Variants in TRHDE observed in about 807,000 individuals in gnomAD.
TRHDE encodes the protein thyrotropin releasing hormone degrading enzyme.
TRHDE carries 72 observed loss-of-function variants against 125.7 expected under a neutral mutation model. The ratio of observed to expected loss-of-function variants is 0.57; its 90% CI spans 0.47 to 0.70. TRHDE has a LOEUF of 0.70. Ranked by LOEUF, TRHDE falls within the 30% of genes least tolerant of loss-of-function variation. TRHDE has a pLI of 0.00. For synonymous variants in TRHDE, 509 were observed against 509.1 expected, an observed-to-expected ratio of 1.00 and a Z score of 0.00; for missense variants, 1,110 against 1,327.1, an observed-to-expected ratio of 0.84 and a Z score of 2.54.
In TRHDE at chr12:72,356,501, T is replaced by A. The variant is rs1283816096; in HGVS notation, c.1189-21494T>A. 2.0e-5 allele frequency among the ~76,000 whole-genome samples: 3 copies of A among 151,376 alleles called. No individual in the cohort carries two copies. In the South Asian group the frequency reaches 6.2e-4, roughly 31 times the overall value. On this transcript the variant is annotated intron_variant, in intron 2 of 18. Coordinates refer to ENST00000261180, the MANE Select transcript of TRHDE (RefSeq NM_013381.3). ...CCCCTGTGACACGAGTTTACCTATATAACAAACCTGCACATGTAGCCCTGA... is the reference window on the plus strand; with the variant it reads ...CCCCTGTGACACGAGTTTACCTATAAAACAAACCTGCACATGTAGCCCTGA...
At chr12:72,554,274 T>A (rs1435937545) in intron 7 of TRHDE, among the ~76,000 whole-genome samples, 1 of 152,194 alleles carries the variant, frequency 6.6e-6, no homozygotes. Context: ...AACTGAAGTT[T>A]CTTGGATTCT....
At position 72,272,789 on chromosome 12, in the gene TRHDE, A is replaced by G; in HGVS notation, c.146A>G (p.Asp49Gly). ...CCCTTCGCAGCCGCGATGGGGGAAG[A>G]CGACGCCGCGCTTCGGGCTGGCAGC... ...SSPFAAAMGE[D>G]DAALRAGSRG... The change falls in exon 1 of 19, where the codon GAC becomes GGC. Residue 49 changes from aspartate (D) to glycine (G), a missense_variant. Around this residue, in one of 5 missense-constraint regions of TRHDE, gnomAD observed 248 missense variants for 240.8 expected, o/e 1.03. Transcript: ENST00000261180. The surrounding 1 kb of genome is among the most constrained non-coding windows in gnomAD (Gnocchi z 6.7). The G allele has an allele frequency of 6.4e-7, 1 of 1,559,572 alleles. No homozygotes were observed. Among genetic ancestry groups the G allele is most frequent in the Non-Finnish European group, 8.7e-7 (1 of 1,155,254 alleles).
chr12:72,106,814 C>T (rs1349446961), intron 2 of TRHDE, among the ~76,000 whole-genome samples: 1 of 151,964 alleles, frequency 6.6e-6, no homozygotes, highest in Non-Finnish European at 1.5e-5. Context: ...TCTAGGTGGT[C>T]CTGGTTTTTA....
chr12:72,505,305 TA>T (rs1450821619), intron 6 of TRHDE, among the ~76,000 whole-genome samples: 1 of 152,122 alleles, frequency 6.6e-6, no homozygotes, highest in African/African-American at 2.4e-5. Context: ...ATTTTAATAG[TA>T]GATTGAAAAT....
intron 6 of TRHDE, among the ~76,000 whole-genome samples, chr12:72,504,192 G>C (rs543631409): frequency 6.6e-6 from 1 of 152,204 alleles, no homozygotes; most frequent in East Asian, 1.9e-4. Context: ...TGATTAAGTG[G>C]AACATCAAAG....
intron 3 of TRHDE, among the ~76,000 whole-genome samples, chr12:72,466,140 G>T (rs1279977066): frequency 6.6e-6 from 1 of 152,034 alleles, no homozygotes; most frequent in Non-Finnish European, 1.5e-5. Flanking sequence ...CTTTATCACC[G>T]GCCTCCAATT....
intron 15 of TRHDE, among the ~76,000 whole-genome samples, chr12:72,650,416 G>A (rs1468575003): frequency 6.6e-6 from 1 of 152,068 alleles, no homozygotes; most frequent in African/African-American, 2.4e-5. Flanking sequence ...ATAGTATGTG[G>A]CACTCAAGTG....
At chr12:72,163,982 A>ATACC (rs1461359289) in intron 2 of TRHDE, among the ~76,000 whole-genome samples, 1 of 152,088 alleles carries the variant, frequency 6.6e-6, no homozygotes, top group Non-Finnish European at 1.5e-5. Flanking sequence ...GTGGTGGCAC[A>ATACC]TACCTGTAGT....
At chr12:72,303,804 T>G (rs539971414) in intron 2 of TRHDE, among the ~76,000 whole-genome samples, 3 of 152,282 alleles carry the variant, frequency 2.0e-5, no homozygotes, top group Admixed American at 6.5e-5. Context: ...AATATAATCT[T>G]TATGTCACAT....
chr12:72,097,440 ATTTTTTTT>A (rs869290442), intron 1 of TRHDE, among the ~76,000 whole-genome samples: 5 of 21,640 alleles, frequency 2.3e-4, no homozygotes, highest in Admixed American at 5.9e-4. Flanking sequence ...TTCTCACTGA[ATTTTTTTT>A]TTTTTTTTTT....
intron 2 of TRHDE, among the ~76,000 whole-genome samples, chr12:72,357,925 C>CA (rs995156937): frequency 8.1e-5 from 12 of 148,036 alleles, no homozygotes; most frequent in East Asian, 6.0e-4. Flanking sequence ...TAGATCTCAA[C>CA]AAAAAAAAGA....
At chr12:72,548,598 A>G (rs915944878) in intron 7 of TRHDE, among the ~76,000 whole-genome samples, 1 of 151,730 alleles carries the variant, frequency 6.6e-6, no homozygotes, top group Non-Finnish European at 1.5e-5. Context: ...TCTTTTGGAT[A>G]TATATCTTTA....
intron 3 of TRHDE, among the ~76,000 whole-genome samples, chr12:72,404,400 C>T (rs1204158506): frequency 6.6e-6 from 1 of 152,072 alleles, no homozygotes; most frequent in Non-Finnish European, 1.5e-5. Flanking sequence ...CACTGCACTC[C>T]AGCTTGGGCA....
chr12:72,404,769 G>T (rs955076746), intron 3 of TRHDE, among the ~76,000 whole-genome samples: 9 of 152,156 alleles, frequency 5.9e-5, no homozygotes, highest in African/African-American at 2.2e-4. Context: ...TTCAATATGA[G>T]ATTTGGGTGA....
At chr12:72,494,051 A>C (rs1229910393) in intron 5 of TRHDE, among the ~76,000 whole-genome samples, 38 of 152,096 alleles carry the variant, frequency 2.5e-4, no homozygotes, top group Admixed American at 2.5e-3. Flanking sequence ...AGAACCAGGC[A>C]TACCATCTGA....
intron 2 of TRHDE, among the ~76,000 whole-genome samples, chr12:72,172,378 T>C (rs1876892712): frequency 6.6e-6 from 1 of 152,198 alleles, no homozygotes. Context: ...TCCAAGCAAG[T>C]CTATCAAGTA....
intron 2 of TRHDE, among the ~76,000 whole-genome samples, chr12:72,258,523 A>G (rs1021527382): frequency 1.3e-5 from 2 of 152,218 alleles, no homozygotes; most frequent in African/African-American, 4.8e-5. Flanking sequence ...AATTAATAAG[A>G]ATAAAGTGGG....
chr12:72,514,445 T>C (rs1878740113), intron 6 of TRHDE, among the ~76,000 whole-genome samples: 1 of 140,712 alleles, frequency 7.1e-6, no homozygotes, highest in Non-Finnish European at 1.5e-5. Context: ...AATAAGAATA[T>C]AGTAAATATG....
At chr12:72,599,437 C>T (rs1391145264) in intron 12 of TRHDE, among the ~76,000 whole-genome samples, 1 of 152,102 alleles carries the variant, frequency 6.6e-6, no homozygotes, top group African/African-American at 2.4e-5. Context: ...GATAGTATCT[C>T]ATTGTGGTTT....
Sources: allele counts gnomAD v4.1 joint callset (sites outside exome capture counted in the v4.1 genomes callset), GRCh38; gene constraint gnomAD v4.1.1; regional missense constraint gnomAD v4.1.1; non-coding constraint Gnocchi (gnomAD v3.1); transcripts MANE v1.5; gene names NCBI Gene and HGNC (gene_info 2026-07-23, HGNC 2026-07-21).